WWP1: variants seen among roughly 807,000 people sequenced by gnomAD.
WWP1 encodes the protein WW domain containing E3 ubiquitin protein ligase 1.
Under a neutral mutation model 130.6 loss-of-function variants are expected in WWP1, and 49 were observed. That is an observed-to-expected ratio of 0.38 (90% CI 0.30 to 0.48). The LOEUF (loss-of-function observed/expected upper bound fraction) is 0.48. Ranked by LOEUF, WWP1 falls within the 20% of genes least tolerant of loss-of-function variation. WWP1 has a pLI of 0.99. For missense variants in WWP1, 809 were observed against 1,100.6 expected, an observed-to-expected ratio of 0.74 and a Z score of 3.75; for synonymous variants, 332 against 367.8, an observed-to-expected ratio of 0.90 and a Z score of 1.11.
At chr8:86,385,830 G>A (rs1174196776) in intron 5 of WWP1, among the ~76,000 whole-genome samples, 2 of 152,072 alleles carry the variant, frequency 1.3e-5, no homozygotes, top group African/African-American at 4.8e-5. Context: ...GCTTATTCAA[G>A]TGAAATCTTA....
At chr8:86,457,732 A>G (rs1811536400) in intron 21 of WWP1, among the ~76,000 whole-genome samples, 189 bp from the exon 22 acceptor site, 1 of 152,160 alleles carries the variant, frequency 6.6e-6, no homozygotes, top group East Asian at 1.9e-4. Flanking sequence ...GGTAAAATAA[A>G]GTACCAGAGA....
chr8:86,400,760 TCGA>T (rs768405246), intron 7 of WWP1, among the ~76,000 whole-genome samples: 6 of 152,202 alleles, frequency 3.9e-5, no homozygotes, highest in Non-Finnish European at 8.8e-5. Flanking sequence ...TTCAGTAAAA[TCGA>T]TTATCTGCTG....
At chr8:86,365,259 C>T (rs559532029) in intron 1 of WWP1, among the ~76,000 whole-genome samples, 1 of 152,184 alleles carries the variant, frequency 6.6e-6, no homozygotes, top group East Asian at 1.9e-4. Context: ...ACATTTTTCT[C>T]ATAGAAATAC....
chr8:86,372,194 T>C (rs1290356735), intron 2 of WWP1, among the ~76,000 whole-genome samples: 4 of 151,570 alleles, frequency 2.6e-5, no homozygotes, highest in Non-Finnish European at 5.9e-5. Flanking sequence ...CGGCTAATTT[T>C]TGTATTTTTA....
intron 21 of WWP1, among the ~76,000 whole-genome samples, chr8:86,456,331 C>T (rs1811441416): frequency 6.6e-6 from 1 of 151,806 alleles, no homozygotes; most frequent in African/African-American, 2.4e-5. Flanking sequence ...CAACCTACAC[C>T]CTGGGAGAAA....
intron 1 of WWP1, among the ~76,000 whole-genome samples, chr8:86,345,470 C>T (rs567604947): frequency 1.4e-3 from 213 of 152,220 alleles, no homozygotes; most frequent in African/African-American, 4.8e-3. Flanking sequence ...AGTGCAGTGG[C>T]GCCTTCTGGG....
At chr8:86,346,158 G>A (rs1231889114) in intron 1 of WWP1, among the ~76,000 whole-genome samples, 1 of 152,206 alleles carries the variant, frequency 6.6e-6, no homozygotes, top group East Asian at 1.9e-4. Flanking sequence ...GTGCATGAGA[G>A]CTGGTGAGTC....
chr8:86,361,115 A>G (rs1823568584), intron 1 of WWP1, among the ~76,000 whole-genome samples: 1 of 152,216 alleles, frequency 6.6e-6, no homozygotes, highest in African/African-American at 2.4e-5. Context: ...ATCCTGCTTT[A>G]GAAGGATCAC....
chr8:86,451,047 A>G (rs1430921116), intron 20 of WWP1, among the ~76,000 whole-genome samples: 2 of 151,170 alleles, frequency 1.3e-5, no homozygotes, highest in Non-Finnish European at 2.9e-5. Flanking sequence ...CCTCATCTCT[A>G]CAAAAATAAA....
chr8:86,448,272 T>C lies in WWP1; in HGVS notation c.2123T>C (p.Ile708Thr), dbSNP rs771879285. ...GATACTGAATTTTATAACTCCCTTA[T>C]CTGGATAAGGTTTGAAGATTTTGTT... ...SIDTEFYNSL[I>T]WIRDNNIEEC... Residue 708 changes from isoleucine to threonine, a missense_variant, in exon 19 of 25, where the codon ATC (isoleucine) becomes ACC (threonine). Physicochemically the swap from Ile to Thr is moderately conservative, Grantham distance 89 (BLOSUM62 -1). This residue lies in a region of WWP1 where 450 missense variants were observed against 674.2 expected (regional missense o/e 0.67). Coordinates refer to ENST00000517970, the MANE Select transcript of WWP1 (RefSeq NM_007013.4). 2.5e-6 allele frequency: 4 copies of C among 1,583,458 alleles called. No individual in the cohort carries two copies. The East Asian group carries it at 9.0e-5, about 35-fold the overall frequency.
At chr8:86,348,818 G>A (rs1822750223) in intron 1 of WWP1, among the ~76,000 whole-genome samples, 1 of 152,144 alleles carries the variant, frequency 6.6e-6, no homozygotes, top group Admixed American at 6.5e-5. Flanking sequence ...GTACTGCTGT[G>A]TAGCAAACAG....
chr8:86,384,992 C>G (rs1476402761), intron 5 of WWP1, among the ~76,000 whole-genome samples: 1 of 148,762 alleles, frequency 6.7e-6, no homozygotes, highest in Admixed American at 6.7e-5. Flanking sequence ...CCACTGCATT[C>G]AAGTCTGGGT....
chr8:86,414,428 A>G lies in WWP1; in HGVS notation c.1061+2554A>G, dbSNP rs368011967. Among the ~76,000 whole-genome samples, 15 of 152,366 alleles carry G rather than the reference A, an allele frequency of 9.8e-5. No homozygotes were observed. The East Asian group carries it at 1.5e-3, about 16-fold the overall frequency. Reference sequence around the variant, plus strand: ...GTAAATGCTAATATTTTAGGTTGACATAAGATGGGTCTTGATAAGTTGTGG... The same window carrying G: ...GTAAATGCTAATATTTTAGGTTGACGTAAGATGGGTCTTGATAAGTTGTGG... On this transcript the variant is annotated intron_variant, in intron 9 of 24. Transcript: ENST00000517970.
intron 8 of WWP1, among the ~76,000 whole-genome samples, chr8:86,402,897 T>C (rs1212355605): frequency 6.6e-6 from 1 of 152,186 alleles, no homozygotes; most frequent in African/African-American, 2.4e-5. Flanking sequence ...GTATACAAAT[T>C]TATTATTCTT....
At chr8:86,360,986 G>A (rs1346393253) in intron 1 of WWP1, among the ~76,000 whole-genome samples, 2 of 152,192 alleles carry the variant, frequency 1.3e-5, no homozygotes, top group African/African-American at 2.4e-5. Flanking sequence ...GTTGAGGAAT[G>A]TCAGGAATAG....
chr8:86,390,820 A>AT (rs1157316258), intron 5 of WWP1, among the ~76,000 whole-genome samples: 2 of 152,128 alleles, frequency 1.3e-5, no homozygotes, highest in Non-Finnish European at 2.9e-5. Context: ...ATAGTCTACC[A>AT]TATCAGAATA....
At chr8:86,442,595 T>C (rs1311220129) in intron 17 of WWP1, 24 bp from the exon 18 acceptor site, 1 of 1,569,092 alleles carries the variant, frequency 6.4e-7, no homozygotes, top group East Asian at 2.3e-5. Context: ...TGCTAAAAAA[T>C]AACCTTGACT....
chr8:86,433,493 C>A (rs913873905), intron 14 of WWP1, among the ~76,000 whole-genome samples: 6 of 151,564 alleles, frequency 4.0e-5, no homozygotes, highest in African/African-American at 1.5e-4. Context: ...GCGGGTAGAT[C>A]ACTTGAGCCC....
intron 3 of WWP1, among the ~76,000 whole-genome samples, chr8:86,376,688 A>T (rs532982270): frequency 6.6e-6 from 1 of 152,350 alleles, no homozygotes; most frequent in African/African-American, 2.4e-5. Context: ...GTTGGAAAAT[A>T]GATGTGGACC....
Sources: gnomAD v4.1 joint callset for allele counts (sites outside exome capture counted in the v4.1 genomes callset) on GRCh38, gnomAD v4.1.1 for gene constraint, gnomAD v4.1.1 regional missense constraint, MANE v1.5 for transcripts, NCBI Gene and HGNC (gene_info 2026-07-23, HGNC 2026-07-21) for gene names.